KPNA7: variants seen among roughly 807,000 people sequenced by gnomAD.
The protein encoded by KPNA7 is karyopherin subunit alpha 7.
A neutral mutation model predicts 53.7 loss-of-function variants in KPNA7; 54 were observed. That is an observed-to-expected ratio of 1.01 (90% CI 0.81 to 1.26). The LOEUF (loss-of-function observed/expected upper bound fraction) is 1.26. Among genes scored for constraint, KPNA7 ranks in the 50% most tolerant of loss-of-function variants. The pLI is 0.00. For synonymous variants in KPNA7, 276 were observed against 259.3 expected (o/e 1.06, Z -0.62); for missense variants, 640 against 644.5 (o/e 0.99, Z 0.07).
At chr7:99,215,761 C>T (rs1455446983) in intron 1 of KPNA7, among the ~76,000 whole-genome samples, 4 of 151,922 alleles carry the variant, frequency 2.6e-5, no homozygotes, top group African/African-American at 9.7e-5. Context: ...TTATTTGAGA[C>T]CAGGAGTTCA....
intron 2 of KPNA7, among the ~76,000 whole-genome samples, chr7:99,204,187 T>C (rs753523272): frequency 6.6e-6 from 1 of 151,962 alleles, no homozygotes; most frequent in African/African-American, 2.4e-5. Context: ...TAGACCAGCC[T>C]GGACAACATA....
intron 5 of KPNA7, 120 bp downstream of exon 5, chr7:99,194,950 C>A (rs1411624252): frequency 1.6e-6 from 2 of 1,213,696 alleles, no homozygotes; most frequent in African/African-American, 1.5e-5. Context: ...GCCAGCACTT[C>A]TAGGTATTTA....
At chr7:99,187,818 A>T (rs1193139502) in intron 7 of KPNA7, among the ~76,000 whole-genome samples, 74 of 131,200 alleles carry the variant, frequency 5.6e-4, no homozygotes, top group Non-Finnish European at 9.1e-4. Flanking sequence ...AAAAAAAAAA[A>T]AAAAAAAAAA....
chr7:99,215,964 C>A (rs1791209794), intron 1 of KPNA7, among the ~76,000 whole-genome samples: 7 of 151,204 alleles, frequency 4.6e-5, no homozygotes. Context: ...GCAAGAGATC[C>A]CTTCTCTAAT....
chr7:99,177,937 C>A lies in KPNA7; in HGVS notation c.1447G>T (p.Glu483Ter). 3 of 1,551,998 alleles carry A rather than the reference C, an allele frequency of 1.9e-6. No individual in the cohort carries two copies. The highest frequency in any genetic ancestry group is 2.6e-6 in the Non-Finnish European group (3 of 1,147,040). The change falls in exon 10 of 11, where the codon GAG becomes TAG. Residue 483 changes from glutamate to a stop codon, truncating the protein, a stop_gained. Transcript: ENST00000327442. LOFTEE classifies it low-confidence loss of function (END_TRUNC). The stretch of plus-strand genomic sequence containing the variant: ...TCACTTACCTCACCAAAGTGCTTCT[C>A]GATGATGTTCAAAGCCGACTGGCCA... ...QIGQSALNII[E>*]KHFGEEEDES...
the KPNA7 span, among the ~76,000 whole-genome samples, chr7:99,166,304 TG>T: frequency 6.6e-6 from 1 of 152,092 alleles, no homozygotes; most frequent in African/African-American, 2.4e-5. Context: ...GCACCTACTA[TG>T]TTTCTAGGTC....
chr7:99,180,640 T>C (rs574708819), intron 9 of KPNA7, among the ~76,000 whole-genome samples: 1 of 148,298 alleles, frequency 6.7e-6, no homozygotes, highest in Admixed American at 6.8e-5. Flanking sequence ...CGTCTCTCTC[T>C]CCGTCTCTGT....
intron 10 of KPNA7, among the ~76,000 whole-genome samples, chr7:99,175,365 A>G (rs528594419): frequency 6.6e-6 from 1 of 151,936 alleles, no homozygotes; most frequent in Non-Finnish European, 1.5e-5. Flanking sequence ...TTTTGTAGAT[A>G]TGGGCTCTCA....
the KPNA7 span, among the ~76,000 whole-genome samples, chr7:99,160,273 G>A: frequency 7.2e-5 from 11 of 152,068 alleles, no homozygotes; most frequent in South Asian, 8.3e-4. Context: ...TGATCCGCCC[G>A]CCTCGGCCTC....
chr7:99,169,766 C>T (rs1220715622), downstream of KPNA7, among the ~76,000 whole-genome samples: 1 of 146,488 alleles, frequency 6.8e-6, no homozygotes, highest in African/African-American at 2.5e-5. Context: ...CTGGGCCAGG[C>T]GCAGTGGCTC....
At chr7:99,170,618 A>C (rs978582509), downstream of KPNA7, among the ~76,000 whole-genome samples, 5 of 152,322 alleles carry the variant, frequency 3.3e-5, no homozygotes, top group East Asian at 9.6e-4. Context: ...CTGGAATTAT[A>C]GGCGTGAGCC....
At chr7:99,164,381 G>A in the KPNA7 span, among the ~76,000 whole-genome samples, 1 of 151,746 alleles carries the variant, frequency 6.6e-6, no homozygotes, top group African/African-American at 2.4e-5. Context: ...AGCAAACTAT[G>A]GCAAGGACAA....
rs141658402 is a variant in KPNA7, at chr7:99,201,618, G to A, written c.201+1488C>T. 6.3e-3 allele frequency among the ~76,000 whole-genome samples: 956 copies of A among 150,798 alleles called. 7 individuals are homozygous for A. Among genetic ancestry groups the A allele is most frequent in the African/African-American group, 0.022 (887 of 41,116 alleles). ...GCGGAAGTTGCGGTGAGCCAAGATC[G>A]TGCCACTGCACTCCAGCCTGGGCGA... On this transcript the variant is annotated intron_variant, in intron 3 of 10. Coordinates refer to ENST00000327442, the MANE Select transcript of KPNA7 (RefSeq NM_001145715.3).
At chr7:99,177,878 C>T (rs1798972458) in intron 10 of KPNA7, 42 bp downstream of exon 10, 2 of 1,546,502 alleles carry the variant, frequency 1.3e-6, no homozygotes, top group African/African-American at 1.4e-5. Context: ...AGCTGCCCCA[C>T]CAAGACCCCT....
intron 1 of KPNA7, among the ~76,000 whole-genome samples, chr7:99,214,209 C>T (rs1354789071): frequency 1.3e-5 from 2 of 151,574 alleles, no homozygotes; most frequent in Non-Finnish European, 2.9e-5. Context: ...GTGGGCAGAT[C>T]CTCTGAGGTC....
chr7:99,185,785 GTGTTT>G (rs1407398591), intron 7 of KPNA7, among the ~76,000 whole-genome samples: 1 of 148,848 alleles, frequency 6.7e-6, no homozygotes. Context: ...ATTGACGATA[GTGTTT>G]TGTTTGTTTG....
chr7:99,180,631 GTC>G (rs1318393664), intron 9 of KPNA7, among the ~76,000 whole-genome samples: 2 of 69,484 alleles, frequency 2.9e-5, no homozygotes, highest in African/African-American at 5.6e-5. Context: ...CTCTCTCCCC[GTC>G]TCTCTCTCCG....
At chr7:99,210,044 A>C (rs1435184648), upstream of KPNA7, among the ~76,000 whole-genome samples, 1 of 151,840 alleles carries the variant, frequency 6.6e-6, no homozygotes, top group East Asian at 1.9e-4. Context: ...ATCAAGGAGA[A>C]TCTGATCTAA....
the KPNA7 span, among the ~76,000 whole-genome samples, chr7:99,150,423 C>T: frequency 1.7e-3 from 219 of 132,442 alleles, 2 homozygotes; most frequent in African/African-American, 3.9e-3. Context: ...TCATTCTTCT[C>T]TTTTTTTTGA....
Sources: allele counts gnomAD v4.1 joint callset (sites outside exome capture counted in the v4.1 genomes callset), GRCh38; gene constraint gnomAD v4.1.1; transcripts MANE v1.5; gene names NCBI Gene and HGNC (gene_info 2026-07-23, HGNC 2026-07-21).